Variants in PCCA observed in about 807,000 individuals in gnomAD.
PCCA encodes propionyl-CoA carboxylase alpha chain, mitochondrial.
A neutral mutation model predicts 101.3 loss-of-function variants in PCCA; 74 were observed. That is an observed-to-expected ratio of 0.73 (90% confidence interval 0.61 to 0.89). The LOEUF (loss-of-function observed/expected upper bound fraction) is 0.89, where lower values mean the gene tolerates loss of function less well. PCCA is among the 40% of genes least tolerant of loss of function. The pLI, the probability that PCCA is intolerant of heterozygous loss-of-function variation, is 0.00. For missense variants in PCCA, 891 were observed against 907.0 expected (o/e 0.98, Z 0.23); for synonymous variants, 294 against 313.6 (o/e 0.94, Z 0.66).
intron 12 of PCCA, among the ~76,000 whole-genome samples, chr13:100,286,087 G>C (rs1039855101): frequency 2.0e-5 from 3 of 152,174 alleles, no homozygotes; most frequent in Non-Finnish European, 2.9e-5. Context: ...CATGTGTGTG[G>C]GGGGGAAGCA....
chr13:100,206,145 T>G (rs1566704610), intron 6 of PCCA, among the ~76,000 whole-genome samples: 1 of 152,182 alleles, frequency 6.6e-6, no homozygotes, highest in South Asian at 2.1e-4. Context: ...TAAGCACCTC[T>G]TAGGGCTGAA....
chr13:100,518,302 A>C (rs2086985505), intron 22 of PCCA, among the ~76,000 whole-genome samples: 1 of 152,244 alleles, frequency 6.6e-6, no homozygotes. Context: ...GTAATGAACA[A>C]ATCTGTTTTG....
At chr13:100,456,479 T>C (rs6491556) in intron 21 of PCCA, among the ~76,000 whole-genome samples, 15,985 of 152,064 alleles carry the variant, frequency 0.11, 1,420 homozygotes, top group African/African-American at 0.24. Flanking sequence ...CAGCTGGGCC[T>C]GGGGGACCAC....
chr13:100,435,314 A>G (rs1361671364), intron 20 of PCCA, among the ~76,000 whole-genome samples: 1 of 152,148 alleles, frequency 6.6e-6, no homozygotes, highest in African/African-American at 2.4e-5. Context: ...ACTCTTTTAA[A>G]CAACCAAGAT....
At chr13:100,279,377 A>T (rs1850771446) in intron 12 of PCCA, among the ~76,000 whole-genome samples, 1 of 152,214 alleles carries the variant, frequency 6.6e-6, no homozygotes. Context: ...TGGAGGATAT[A>T]ATTAAATGGG....
chr13:100,286,116 C>G (rs1222459697), intron 12 of PCCA, among the ~76,000 whole-genome samples: 2 of 152,168 alleles, frequency 1.3e-5, no homozygotes, highest in African/African-American at 4.8e-5. Flanking sequence ...ACTACGCTGC[C>G]TCATGGGGAA....
chr13:100,457,783 C>T (rs1004111539), intron 21 of PCCA, among the ~76,000 whole-genome samples: 1 of 152,186 alleles, frequency 6.6e-6, no homozygotes, highest in South Asian at 2.1e-4. Context: ...GGTGAATTGT[C>T]TCCTGGTAGT....
At chr13:100,352,614 G>C (rs769461428) in intron 18 of PCCA, among the ~76,000 whole-genome samples, 8 of 151,944 alleles carry the variant, frequency 5.3e-5, no homozygotes, top group Middle Eastern at 6.8e-3. Flanking sequence ...GGCAAGTCTC[G>C]AACTCCTGGG....
intron 18 of PCCA, among the ~76,000 whole-genome samples, chr13:100,354,458 A>G (rs1018617880): frequency 6.6e-6 from 1 of 152,152 alleles, no homozygotes; most frequent in African/African-American, 2.4e-5. Context: ...TTCAGGAAAC[A>G]TGGAAAAATA....
At position 100,177,181 on chromosome 13, in the gene PCCA, C is replaced by A. The variant is rs532544175; in HGVS notation, c.468+19841C>A. 3.3e-5 allele frequency among the ~76,000 whole-genome samples: 5 copies of A among 152,270 alleles called. No homozygotes were observed. In the South Asian group the frequency reaches 1.0e-3, roughly 32 times the overall value. The stretch of plus-strand genomic sequence containing the variant: ...AAAAATTCAGTAAGACATGAATTAT[C>A]AAATTTTGCAATGCTAAGCAACTTG... On this transcript the variant is annotated intron_variant, in intron 6 of 23. Transcript: ENST00000376285.
intron 21 of PCCA, among the ~76,000 whole-genome samples, chr13:100,510,229 G>A (rs539624497): frequency 5.3e-5 from 8 of 152,290 alleles, no homozygotes; most frequent in African/African-American, 1.7e-4. Context: ...GGTTTTACTC[G>A]ATAATCCTTT....
At chr13:100,377,626 C>G (rs1357551798) in intron 19 of PCCA, among the ~76,000 whole-genome samples, 2 of 152,126 alleles carry the variant, frequency 1.3e-5, no homozygotes, top group Non-Finnish European at 2.9e-5. Flanking sequence ...TCTCGAGTAG[C>G]TGGGACTACA....
intron 18 of PCCA, among the ~76,000 whole-genome samples, chr13:100,362,933 C>G (rs549324970): frequency 6.6e-6 from 1 of 152,140 alleles, no homozygotes. Flanking sequence ...GAAAATGCTG[C>G]TTTTATCTTT....
chr13:100,451,466 G>A (rs1442934127), intron 21 of PCCA, among the ~76,000 whole-genome samples: 1 of 152,112 alleles, frequency 6.6e-6, no homozygotes, highest in African/African-American at 2.4e-5. Flanking sequence ...GCCACACAGA[G>A]CTGCATTACG....
intron 19 of PCCA, among the ~76,000 whole-genome samples, chr13:100,412,221 C>T (rs1221509767): frequency 2.0e-5 from 3 of 152,090 alleles, no homozygotes; most frequent in Non-Finnish European, 2.9e-5. Context: ...GTTACTATTA[C>T]TCCAGTATTG....
intron 8 of PCCA, among the ~76,000 whole-genome samples, chr13:100,252,861 G>A (rs760816201): frequency 1.1e-4 from 16 of 151,996 alleles, no homozygotes; most frequent in Non-Finnish European, 2.1e-4. Flanking sequence ...TTCTACCTTT[G>A]CCCTTTCACC....
chr13:100,219,612 A>G (rs1456838462), intron 7 of PCCA, among the ~76,000 whole-genome samples: 1 of 152,236 alleles, frequency 6.6e-6, no homozygotes, highest in Non-Finnish European at 1.5e-5. Flanking sequence ...TTGTGGAACA[A>G]TGGCAGGAAT....
At position 100,192,624 on chromosome 13, in the gene PCCA, T is replaced by C. The variant is rs574862670; in HGVS notation, c.469-16708T>C. Among the ~76,000 whole-genome samples, 14 of 152,290 alleles carry C rather than the reference T, an allele frequency of 9.2e-5. No individual in the cohort carries two copies. The East Asian group carries it at 2.5e-3, about 27-fold the overall frequency. ...CAGGAGGCTGAGGCGGGAGGATCCCTTGAGCTTGGGAGGCAGAGGTTGCAG... is the reference window on the plus strand; with the variant it reads ...CAGGAGGCTGAGGCGGGAGGATCCCCTGAGCTTGGGAGGCAGAGGTTGCAG... On this transcript the variant is annotated intron_variant, in intron 6 of 23. Transcript: ENST00000376285.
intron 21 of PCCA, among the ~76,000 whole-genome samples, chr13:100,508,796 G>T (rs2086260381): frequency 6.6e-6 from 1 of 152,142 alleles, no homozygotes; most frequent in African/African-American, 2.4e-5. Flanking sequence ...TTCTATTTGT[G>T]TTGCCTTAAT....
Sources: gnomAD v4.1 joint callset for allele counts (sites outside exome capture counted in the v4.1 genomes callset) on GRCh38, gnomAD v4.1.1 for gene constraint, MANE v1.5 for transcripts, NCBI Gene and HGNC (gene_info 2026-07-23, HGNC 2026-07-21) for gene names.